PGCKA1: variants seen among roughly 807,000 people sequenced by gnomAD.
PGCKA1 encodes the protein PDCD10 and GCKIII kinases-associated protein 1.
the PGCKA1 span, among the ~76,000 whole-genome samples, chr4:37,529,902 G>A: frequency 6.6e-6 from 1 of 152,044 alleles, no homozygotes; most frequent in South Asian, 2.1e-4. Flanking sequence ...AAACCTATAA[G>A]ATAGGTATTA....
the PGCKA1 span, chr4:37,590,539 G>T: frequency 1.9e-6 from 3 of 1,614,208 alleles, no homozygotes; most frequent in South Asian, 2.2e-5. Flanking sequence ...GAGAAATGGA[G>T]ACTCCAGAGC....
chr4:37,468,335 G>A, the PGCKA1 span, among the ~76,000 whole-genome samples: 1 of 152,146 alleles, frequency 6.6e-6, no homozygotes, highest in East Asian at 1.9e-4. Context: ...GCCAGATGGA[G>A]GCTTTTGAAT....
chr4:37,582,387 G>C, the PGCKA1 span, among the ~76,000 whole-genome samples: 1 of 152,190 alleles, frequency 6.6e-6, no homozygotes, highest in East Asian at 1.9e-4. Context: ...TATAACCCCA[G>C]TACAATGTTC....
At chr4:37,542,084 G>A in the PGCKA1 span, among the ~76,000 whole-genome samples, 1 of 152,088 alleles carries the variant, frequency 6.6e-6, no homozygotes, top group Admixed American at 6.5e-5. Flanking sequence ...GGACAGGCCG[G>A]GTCTCAGATG....
chr4:37,575,978 A>G, the PGCKA1 span, among the ~76,000 whole-genome samples: 3 of 152,280 alleles, frequency 2.0e-5, no homozygotes, highest in African/African-American at 4.8e-5. Flanking sequence ...TGCCAAAACC[A>G]TGCTGTACCG....
At chr4:37,530,793 G>T in the PGCKA1 span, among the ~76,000 whole-genome samples, 1,592 of 151,982 alleles carry the variant, frequency 0.01, 37 homozygotes, top group African/African-American at 0.037. Flanking sequence ...CCTGGCCAAC[G>T]TGATGAAGCC....
At chr4:37,527,542 G>A in the PGCKA1 span, among the ~76,000 whole-genome samples, 16 of 152,040 alleles carry the variant, frequency 1.1e-4, no homozygotes, top group African/African-American at 3.4e-4. Context: ...TTTATGAGCC[G>A]GGCATTGTGG....
At chr4:37,537,800 T>C in the PGCKA1 span, among the ~76,000 whole-genome samples, 1 of 152,206 alleles carries the variant, frequency 6.6e-6, no homozygotes, top group South Asian at 2.1e-4. Flanking sequence ...CTGAATTCTT[T>C]CTCCAAAATA....
the PGCKA1 span, among the ~76,000 whole-genome samples, chr4:37,513,596 A>G: frequency 6.6e-6 from 1 of 152,192 alleles, no homozygotes; most frequent in Non-Finnish European, 1.5e-5. Flanking sequence ...ATCTCCAAAT[A>G]CAGCCATTTG....
the PGCKA1 span, chr4:37,588,770 GAAAA>G: frequency 3.5e-5 from 36 of 1,042,656 alleles, no homozygotes; most frequent in Non-Finnish European, 5.3e-5. Flanking sequence ...AGTCTCTAGG[GAAAA>G]AAAAAGGCAA....
the PGCKA1 span, among the ~76,000 whole-genome samples, chr4:37,539,126 T>G: frequency 7.2e-5 from 11 of 152,198 alleles, no homozygotes; most frequent in African/African-American, 2.7e-4. Context: ...GAGGAACATC[T>G]GAGCCCCCAG....
the PGCKA1 span, among the ~76,000 whole-genome samples, chr4:37,515,444 G>A: frequency 1.3e-5 from 2 of 152,332 alleles, no homozygotes; most frequent in East Asian, 3.9e-4. Flanking sequence ...TCAATAGGTA[G>A]AGCATCAACA....
chr4:37,466,452 G>A, the PGCKA1 span, among the ~76,000 whole-genome samples: 4 of 152,136 alleles, frequency 2.6e-5, no homozygotes, highest in African/African-American at 9.7e-5. Context: ...CTTATAGTTG[G>A]TGGTCTTTAT....
At chr4:37,547,549 T>C in the PGCKA1 span, among the ~76,000 whole-genome samples, 2 of 152,120 alleles carry the variant, frequency 1.3e-5, no homozygotes, top group Non-Finnish European at 2.9e-5. Context: ...TTGTGTGAAA[T>C]AGACTGGCCA....
the PGCKA1 span, among the ~76,000 whole-genome samples, chr4:37,531,000 G>C: frequency 6.6e-6 from 1 of 151,346 alleles, no homozygotes; most frequent in African/African-American, 2.4e-5. Flanking sequence ...CAAAGAAAAG[G>C]GAAAAAAAAA....
chr4:37,479,384 AT>A, the PGCKA1 span, among the ~76,000 whole-genome samples: 1 of 151,726 alleles, frequency 6.6e-6, no homozygotes, highest in South Asian at 2.1e-4. Context: ...TTTTTGTAAA[AT>A]TTTTTCACAT....
At chr4:37,462,950 G>A in the PGCKA1 span, among the ~76,000 whole-genome samples, 11 of 128,956 alleles carry the variant, frequency 8.5e-5, no homozygotes, top group African/African-American at 2.6e-4. Flanking sequence ...GTGACAGAGC[G>A]AGACTCAGTA....
At chr4:37,578,029 T>C in the PGCKA1 span, among the ~76,000 whole-genome samples, 75 of 152,324 alleles carry the variant, frequency 4.9e-4, no homozygotes, top group African/African-American at 1.2e-3. Context: ...CTACAGCAGT[T>C]GGATGAAATG....
At chr4:37,460,200 G>T in the PGCKA1 span, among the ~76,000 whole-genome samples, 6 of 152,176 alleles carry the variant, frequency 3.9e-5, no homozygotes, top group African/African-American at 1.2e-4. Flanking sequence ...GTATTCTGTG[G>T]TGTATATGTG....
Sources: gnomAD v4.1 joint callset for allele counts (sites outside exome capture counted in the v4.1 genomes callset) on GRCh38, gnomAD v4.1.1 for gene constraint, MANE v1.5 for transcripts, NCBI Gene and HGNC (gene_info 2026-07-23, HGNC 2026-07-21) for gene names.